WFDC1: variants seen among roughly 807,000 people sequenced by gnomAD.
WFDC1 encodes WAP four-disulfide core domain protein 1.
Under a neutral mutation model 32.9 loss-of-function variants are expected in WFDC1, and 39 were observed. That is an observed-to-expected ratio of 1.19 (90% CI 0.92 to 1.55). The LOEUF (loss-of-function observed/expected upper bound fraction) is 1.55. Ranked by LOEUF, WFDC1 falls within the 40% of genes most tolerant of loss-of-function variation. WFDC1 has a pLI of 0.00. For synonymous variants in WFDC1, 184 were observed against 137.4 expected (o/e 1.34, Z -2.37); for missense variants, 386 against 309.5 (o/e 1.25, Z -1.85).
intron 4 of WFDC1, among the ~76,000 whole-genome samples, chr16:84,320,008 T>G (rs1332759813): frequency 1.3e-5 from 2 of 152,092 alleles, no homozygotes; most frequent in Non-Finnish European, 2.9e-5. Context: ...TATGTGTAGA[T>G]GGACCCCGAC....
At chr16:84,297,335 C>G (rs1175555359) in intron 1 of WFDC1, among the ~76,000 whole-genome samples, 1 of 152,146 alleles carries the variant, frequency 6.6e-6, no homozygotes, top group Non-Finnish European at 1.5e-5. Context: ...ACAACTGTGC[C>G]AGCCAGGCAC....
At chr16:84,302,049 T>C (rs1273068664) in intron 1 of WFDC1, among the ~76,000 whole-genome samples, 1 of 152,036 alleles carries the variant, frequency 6.6e-6, no homozygotes, top group Non-Finnish European at 1.5e-5. Flanking sequence ...CATAGAAAGG[T>C]ACGGAGCCTG....
In WFDC1 at chr16:84,307,485, C is replaced by T. The variant is rs571463502; in HGVS notation, c.145-5476C>T. Among the ~76,000 whole-genome samples the T allele has an allele frequency of 2.2e-3, 332 of 152,318 alleles. 1 individual carries two copies. Among genetic ancestry groups the T allele is most frequent in the African/African-American group, 7.6e-3 (314 of 41,564 alleles). On this transcript the variant is annotated intron_variant, in intron 1 of 6. Transcript: ENST00000219454. Reference sequence around the variant, plus strand: ...AAGGCGCTTATCTCTTTGTTCTCTCCAAATTCTGAGAAATGACATTTGAAT... The same window carrying T: ...AAGGCGCTTATCTCTTTGTTCTCTCTAAATTCTGAGAAATGACATTTGAAT...
intron 2 of WFDC1, chr16:84,316,389 T>A (rs1225293139): frequency 2.0e-5 from 3 of 151,974 alleles, no homozygotes; most frequent in Non-Finnish European, 2.9e-5. Context: ...TTTTTATTTT[T>A]GTCTTACTTT....
At chr16:84,296,147 G>C (rs556394298) in intron 1 of WFDC1, among the ~76,000 whole-genome samples, 2 of 152,320 alleles carry the variant, frequency 1.3e-5, no homozygotes, top group South Asian at 2.1e-4. Flanking sequence ...TCAGCACACA[G>C]AGGGCTCAAG....
intron 1 of WFDC1, among the ~76,000 whole-genome samples, chr16:84,302,125 G>C (rs1276420626): frequency 2.0e-5 from 3 of 152,168 alleles, no homozygotes; most frequent in Admixed American, 2.0e-4. Context: ...CCACGGGTGT[G>C]TGACACTGTT....
chr16:84,313,490 C>T (rs977968700), intron 2 of WFDC1, among the ~76,000 whole-genome samples: 12 of 152,192 alleles, frequency 7.9e-5, no homozygotes, highest in African/African-American at 2.9e-4. Context: ...GGAAAATGCC[C>T]GCTGATAGGA....
At position 84,313,148 on chromosome 16, in the gene WFDC1, C is replaced by A. The variant is rs1056241814; in HGVS notation, c.332C>A (p.Pro111Gln). The A allele has an allele frequency of 2.5e-5, 36 of 1,431,064 alleles. No homozygotes were observed. The highest frequency in any genetic ancestry group is 4.9e-4 in the Middle Eastern group (2 of 4,084). 88.6% of individuals were successfully genotyped at this position (1,431,064 alleles called of 1,614,324 possible). ...GCCTGCCTAGAAGCTGTGCCGCCCC[C>A]GCCAGGTAGGTCCTGGGCCCGAGGG... Reference protein sequence around the residue: ...AYACLEAVPPPPVLDWLVQPK... With the variant: ...AYACLEAVPPQPVLDWLVQPK... Residue 111 changes from proline (P) to glutamine (Q), a missense_variant, in exon 2 of 7, where the codon CCG becomes CAG. Coordinates refer to ENST00000219454, the MANE Select transcript of WFDC1 (RefSeq NM_021197.4).
At chr16:84,321,543 C>T (rs533347019) in intron 4 of WFDC1, among the ~76,000 whole-genome samples, 244 of 152,284 alleles carry the variant, frequency 1.6e-3, no homozygotes, top group African/African-American at 5.6e-3. Flanking sequence ...TTTTTCATCC[C>T]CTGATCTTTT....
intron 2 of WFDC1, chr16:84,317,794 T>G (rs12933271): frequency 0.12 from 20,235 of 162,602 alleles, 1,404 homozygotes; most frequent in African/African-American, 0.18. Flanking sequence ...TGTGAGGCAT[T>G]TTCTTCTCTC....
intron 2 of WFDC1, chr16:84,316,747 G>A (rs1907972573): frequency 6.6e-6 from 1 of 152,134 alleles, no homozygotes; most frequent in South Asian, 2.1e-4. Flanking sequence ...GGAGGGCAAG[G>A]CGGGTAGATC....
intron 6 of WFDC1, 110 bp downstream of exon 6, chr16:84,327,065 C>A: frequency 9.8e-7 from 1 of 1,025,580 alleles, no homozygotes; most frequent in South Asian, 1.4e-5. Context: ...AGCGCTTTCC[C>A]TACTGGTAGA....
intron 1 of WFDC1, among the ~76,000 whole-genome samples, chr16:84,307,430 G>A (rs774411243): frequency 4.6e-5 from 7 of 152,276 alleles, no homozygotes; most frequent in South Asian, 2.1e-4. Context: ...TTTCAGTCAC[G>A]CAGTAAATAA....
At chr16:84,318,926 G>A in intron 3 of WFDC1, 1 of 200,356 alleles carries the variant, frequency 5.0e-6, no homozygotes, top group Non-Finnish European at 1.0e-5. Context: ...GTGTGTGTGT[G>A]TGTGTGTGTG....
intron 4 of WFDC1, among the ~76,000 whole-genome samples, chr16:84,322,726 A>G (rs1908380985): frequency 6.6e-6 from 1 of 152,238 alleles, no homozygotes; most frequent in South Asian, 2.1e-4. Flanking sequence ...AGGGGTTCAC[A>G]TTTTATGCAA....
Position 84,318,354 on chromosome 16 carries a change from A to C in WFDC1, c.420A>C (p.Gln140His). 1 of 1,613,940 alleles carries C rather than the reference A, an allele frequency of 6.2e-7. No homozygotes were observed. Among genetic ancestry groups the C allele is most frequent in the Admixed American group, 1.7e-5 (1 of 60,018 alleles). ...WLLDGPEEVL[Q>H]AEACSTTEDG... is the part of the protein sequence containing the mutation. ...TGGATGGCCCTGAGGAGGTGTTACAAGGTACCTGCCGGGTAAAGCCCAGAC... is the reference window on the plus strand; with the variant it reads ...TGGATGGCCCTGAGGAGGTGTTACACGGTACCTGCCGGGTAAAGCCCAGAC... The change falls in exon 3 of 7, where the codon CAA becomes CAC. Residue 140 changes from glutamine to histidine, a missense_variant and splice_region_variant. Physicochemically the swap from Gln to His is conservative, Grantham distance 24. Transcript: ENST00000219454.
intron 1 of WFDC1, among the ~76,000 whole-genome samples, chr16:84,309,607 G>T (rs1907488457): frequency 6.6e-6 from 1 of 152,042 alleles, no homozygotes; most frequent in African/African-American, 2.4e-5. Flanking sequence ...GGGTGGTTAA[G>T]CCAACAGAAA....
intron 2 of WFDC1, chr16:84,316,230 G>C (rs894247699): frequency 2.0e-5 from 3 of 152,156 alleles, no homozygotes; most frequent in African/African-American, 7.2e-5. Flanking sequence ...TTTCTCTGCT[G>C]TTCCAACTTC....
chr16:84,304,320 C>T (rs1468597325), intron 1 of WFDC1, among the ~76,000 whole-genome samples: 5 of 152,212 alleles, frequency 3.3e-5, no homozygotes, highest in African/African-American at 9.6e-5. Context: ...CTTCTGCCTG[C>T]GTGGTTCAAA....
Sources: gnomAD v4.1 joint callset for allele counts (sites outside exome capture counted in the v4.1 genomes callset) on GRCh38, gnomAD v4.1.1 for gene constraint, MANE v1.5 for transcripts, NCBI Gene and HGNC (gene_info 2026-07-23, HGNC 2026-07-21) for gene names.